The following OPRM1 variants were observed in gnomAD, a reference collection of about 807,000 sequenced individuals.
OPRM1 encodes opioid receptor mu 1, also known as mu-type opioid receptor.
Under a neutral mutation model 31.8 loss-of-function variants are expected in OPRM1, and 27 were observed. The ratio of observed to expected loss-of-function variants is 0.85; its 90% CI spans 0.63 to 1.17. The LOEUF is 1.17. Among genes scored for constraint, OPRM1 ranks in the 50% most tolerant of loss-of-function variants. The pLI is 0.00. For missense variants in OPRM1, 536 were observed against 511.1 expected, an observed-to-expected ratio of 1.05 and a Z score of -0.47; for synonymous variants, 196 against 189.9, an observed-to-expected ratio of 1.03 and a Z score of -0.26.
chr6:154,093,316 G>T lies in OPRM1; in HGVS notation c.1164+1844G>T, dbSNP rs767783492. 3.1e-6 allele frequency: 5 copies of T among 1,613,582 alleles called. No individual in the cohort carries two copies. The African/African-American group carries it at 6.7e-5, about 22-fold the overall frequency. On this transcript the variant is annotated intron_variant, in intron 3 of 3. Coordinates refer to ENST00000330432, the MANE Select transcript of OPRM1 (RefSeq NM_000914.5). ...TCTTGCTGGGCTCTAGAGCAAGGCT[G>T]CTTGGTTGTGTACCCTGGACCACTG... is the stretch of plus-strand genomic sequence containing the variant.
intron 3 of OPRM1, chr6:154,246,453 G>T: frequency 2.1e-6 from 2 of 975,366 alleles, no homozygotes; most frequent in Non-Finnish European, 3.0e-6. Context: ...ACCAGAAATG[G>T]CTTCTATAAC....
At chr6:154,095,084 G>C (rs1793122530) in intron 3 of OPRM1, among the ~76,000 whole-genome samples, 1 of 152,180 alleles carries the variant, frequency 6.6e-6, no homozygotes, top group Non-Finnish European at 1.5e-5. Flanking sequence ...CTGGGGTCAG[G>C]AGTTCGAGAC....
chr6:154,040,769 T>C (rs1779895741), intron 1 of OPRM1, among the ~76,000 whole-genome samples: 1 of 152,230 alleles, frequency 6.6e-6, no homozygotes, highest in South Asian at 2.1e-4. Flanking sequence ...AAAAGAGTTG[T>C]AGTCCACTTT....
intron 1 of OPRM1, among the ~76,000 whole-genome samples, chr6:154,044,101 G>A (rs1338916366): frequency 2.0e-5 from 3 of 151,750 alleles, no homozygotes; most frequent in African/African-American, 7.3e-5. Flanking sequence ...TCTCTTAAAG[G>A]ATGGATGGAT....
intron 1 of OPRM1, among the ~76,000 whole-genome samples, chr6:154,075,452 C>CTTT (rs113939480): frequency 2.1e-5 from 3 of 139,808 alleles, no homozygotes; most frequent in Non-Finnish European, 3.1e-5. Context: ...AAAATAAGCA[C>CTTT]TTTTTTTTTT....
intron 1 of OPRM1, among the ~76,000 whole-genome samples, chr6:154,063,026 C>G (rs1333644130): frequency 6.6e-6 from 1 of 151,944 alleles, no homozygotes; most frequent in African/African-American, 2.4e-5. Context: ...TTAAACATTC[C>G]AAGTAGTTAA....
chr6:154,091,842 A>T, intron 3 of OPRM1: 2 of 1,002,406 alleles, frequency 2.0e-6, no homozygotes, highest in Non-Finnish European at 2.4e-6. Context: ...TTGCTGCAAT[A>T]CCCCTCTTAT....
chr6:154,190,787 A>C lies in OPRM1; in HGVS notation c.1165-55906A>C, dbSNP rs571331698. ...GTCTTTCAATAGGTGAATGAATAAC[A>C]AACTGTGATGCATCCATACAATGGA... On this transcript the variant is annotated intron_variant, in intron 3 of 3. Coordinates refer to the OPRM1 transcript ENST00000337049. Among the ~76,000 whole-genome samples, 56 of 152,374 alleles carry C rather than the reference A, an allele frequency of 3.7e-4. 1 individual carries two copies. The Middle Eastern group carries it at 0.017, about 46-fold the overall frequency.
intron 3 of OPRM1, chr6:154,094,248 A>G (rs1051742897): frequency 2.3e-6 from 3 of 1,285,072 alleles, no homozygotes; most frequent in Non-Finnish European, 3.0e-6. Flanking sequence ...GGGTGTCTGT[A>G]TTCTGACAAC....
chr6:154,013,130 G>C (rs1462377272), intron 1 of OPRM1, among the ~76,000 whole-genome samples: 1 of 152,148 alleles, frequency 6.6e-6, no homozygotes, highest in African/African-American at 2.4e-5. Context: ...GAGGAAGAGA[G>C]TTTTCAAGTG....
chr6:154,179,249 A>G (rs545482055), intron 3 of OPRM1, among the ~76,000 whole-genome samples: 9 of 152,332 alleles, frequency 5.9e-5, no homozygotes, highest in Admixed American at 4.6e-4. Context: ...CAATTGCTAT[A>G]CTAAGACTAC....
chr6:154,025,788 TAAAC>T (rs756559072), intron 1 of OPRM1, among the ~76,000 whole-genome samples: 20 of 152,152 alleles, frequency 1.3e-4, no homozygotes, highest in African/African-American at 4.1e-4. Flanking sequence ...ACTTTTTGCA[TAAAC>T]AAACAAACAG....
At chr6:154,193,341 T>C (rs1013250480) in intron 3 of OPRM1, among the ~76,000 whole-genome samples, 1 of 152,056 alleles carries the variant, frequency 6.6e-6, no homozygotes, top group African/African-American at 2.4e-5. Context: ...CACGATAAAA[T>C]AGACTTTGGG....
chr6:154,159,612 ACTC>A, intron 3 of OPRM1: 1 of 556,024 alleles, frequency 1.8e-6, no homozygotes, highest in East Asian at 3.2e-5. Context: ...TTTCAACTGA[ACTC>A]AATCATTCCA....
downstream of OPRM1, among the ~76,000 whole-genome samples, chr6:154,133,777 T>A (rs182195730): frequency 1.4e-4 from 21 of 152,366 alleles, no homozygotes; most frequent in East Asian, 3.7e-3. Flanking sequence ...GCGTTTGCAA[T>A]GAGTCTTGAT....
At chr6:154,010,849 C>T in exon 1 of OPRM1, 2 of 1,355,706 alleles carry the variant, frequency 1.5e-6, no homozygotes, top group South Asian at 1.4e-5. Context: ...AATTGCAGCC[C>T]CTTGTTCTTG....
At chr6:154,192,320 G>GTGTA (rs1801968120) in intron 3 of OPRM1, among the ~76,000 whole-genome samples, 1 of 84,658 alleles carries the variant, frequency 1.2e-5, no homozygotes, top group African/African-American at 5.5e-5. Context: ...CGTGGTTACT[G>GTGTA]TGTGTGTGTG....
At position 154,125,700 on chromosome 6, in the gene OPRM1, A is replaced by G. The variant is rs1210926477; in HGVS notation, c.*6979A>G. Among the ~76,000 whole-genome samples the G allele has an allele frequency of 6.6e-6, 1 of 151,952 alleles. No individual in the cohort carries two copies. Among genetic ancestry groups the G allele is most frequent in the Non-Finnish European group, 1.5e-5 (1 of 68,024 alleles). The stretch of plus-strand genomic sequence containing the variant: ...AGTTGAAAACAGGCTATCACATCCC[A>G]TTTGCTTTAAAGTCTCTTAAACTTA... On this transcript the variant is annotated 3_prime_UTR_variant, in exon 4 of 4. Transcript: ENST00000330432.
Position 154,168,826 on chromosome 6 carries a change from G to C in OPRM1, c.1164+77354G>C, listed in dbSNP as rs1466725656. Among the ~76,000 whole-genome samples the C allele has an allele frequency of 6.6e-6, 1 of 150,942 alleles. No homozygotes were observed. Among genetic ancestry groups the C allele is most frequent in the Non-Finnish European group, 1.5e-5 (1 of 67,830 alleles). On this transcript the variant is annotated intron_variant, in intron 3 of 3. Transcript: ENST00000337049. The surrounding 1 kb of genome is among the most constrained non-coding windows in gnomAD (Gnocchi z 4.1). The stretch of plus-strand genomic sequence containing the variant: ...TCACCATGTTGCCCAGGCTGGTCTT[G>C]AACTCCTGACTTTGGGTGATCCGCC...
Sources: allele counts gnomAD v4.1 joint callset (sites outside exome capture counted in the v4.1 genomes callset), GRCh38; gene constraint gnomAD v4.1.1; non-coding constraint Gnocchi (gnomAD v3.1); transcripts MANE v1.5; gene names NCBI Gene and HGNC (gene_info 2026-07-23, HGNC 2026-07-21).